AFF3: variants seen among roughly 807,000 people sequenced by gnomAD.
AFF3 encodes the protein ALF transcription elongation factor 3.
A neutral mutation model predicts 129.7 loss-of-function variants in AFF3; 32 were observed. The ratio of observed to expected loss-of-function variants is 0.25; its 90% CI spans 0.19 to 0.33. The LOEUF (loss-of-function observed/expected upper bound fraction) is 0.33, where lower values mean the gene tolerates loss of function less well. AFF3 is among the 10% of genes least tolerant of loss of function. The probability of loss-of-function intolerance (pLI) is 1.00; values close to 1 mark genes in which losing one functional copy is unlikely to be tolerated. For missense variants in AFF3, 1,373 were observed against 1,592.0 expected (o/e 0.86, Z 2.34); for synonymous variants, 644 against 635.4 (o/e 1.01, Z -0.20).
intron 9 of AFF3, among the ~76,000 whole-genome samples, chr2:99,746,276 T>C (rs1034087546): frequency 5.3e-5 from 8 of 151,692 alleles, no homozygotes; most frequent in African/African-American, 1.2e-4. Context: ...GAACTTCTAT[T>C]ACGTGGCTTA....
intron 7 of AFF3, among the ~76,000 whole-genome samples, chr2:99,978,228 G>A (rs557641496): frequency 6.6e-6 from 1 of 152,254 alleles, no homozygotes; most frequent in South Asian, 2.1e-4. Context: ...ACTGCTCACA[G>A]AACTCTGACT....
At chr2:100,016,411 A>G (rs1483692813) in intron 4 of AFF3, among the ~76,000 whole-genome samples, 2 of 123,182 alleles carry the variant, frequency 1.6e-5, no homozygotes, top group Admixed American at 1.6e-4. Context: ...AGCGATGGTC[A>G]TGGTGGTAGT....
At chr2:99,947,539 AAG>A (rs1217992360) in intron 7 of AFF3, among the ~76,000 whole-genome samples, 1,601 of 148,864 alleles carry the variant, frequency 0.011, 63 homozygotes, top group African/African-American at 0.039. Context: ...AAGAAAGAAA[AAG>A]AGAGAAAGAA....
In AFF3 at chr2:99,551,492, G is replaced by C. The variant is rs1216309872; in HGVS notation, c.3663C>G (p.Asn1221Lys). The change falls in exon 25 of 25, where the codon AAC becomes AAG. Residue 1221 changes from asparagine (N) to lysine (K), a missense_variant. Physicochemically the swap from Asn to Lys is moderately conservative, Grantham distance 94 (BLOSUM62 0). This residue lies in a region of AFF3 where 165 missense variants were observed against 234.0 expected (regional missense o/e 0.71). Coordinates refer to ENST00000672756, the MANE Select transcript of AFF3 (RefSeq NM_001386135.1). Reference sequence around the variant, plus strand: ...GAGGTCCCTATGACAGGTGGGCGCTGTTCCGCAGCCAGTGCAGGCCCTGTT... The same window carrying C: ...GAGGTCCCTATGACAGGTGGGCGCTCTTCCGCAGCCAGTGCAGGCCCTGTT... ...YSQQGLHWLR[N>K]SAHLS The C allele has an allele frequency of 5.0e-6, 8 of 1,614,020 alleles. No homozygotes were observed. Among genetic ancestry groups the C allele is most frequent in the Non-Finnish European group, 6.8e-6 (8 of 1,180,024 alleles).
intron 4 of AFF3, among the ~76,000 whole-genome samples, chr2:100,080,570 G>A (rs1343199339): frequency 6.6e-6 from 1 of 151,930 alleles, no homozygotes; most frequent in Admixed American, 6.5e-5. Context: ...GAGGGAGGGA[G>A]GAAAGGACAG....
At chr2:99,722,004 G>C (rs2309724) in intron 11 of AFF3, among the ~76,000 whole-genome samples, 84,244 of 151,958 alleles carry the variant, frequency 0.55, 23,522 homozygotes, top group East Asian at 0.66. Flanking sequence ...AATTCTTACT[G>C]ATATGAGTTT....
chr2:99,995,000 G>A (rs1400420685), intron 7 of AFF3, among the ~76,000 whole-genome samples: 1 of 152,162 alleles, frequency 6.6e-6, no homozygotes, highest in Non-Finnish European at 1.5e-5. Context: ...AAATTTGTGA[G>A]ATCAGATGAC....
At chr2:99,947,978 C>G (rs1675795581) in intron 7 of AFF3, among the ~76,000 whole-genome samples, 1 of 152,120 alleles carries the variant, frequency 6.6e-6, no homozygotes, top group Non-Finnish European at 1.5e-5. Context: ...GATCAGGCAT[C>G]TAGATTTGGC....
chr2:100,047,269 TA>T (rs895888872), intron 4 of AFF3, among the ~76,000 whole-genome samples: 11 of 152,256 alleles, frequency 7.2e-5, no homozygotes, highest in Non-Finnish European at 1.3e-4. Context: ...GTACTTTATT[TA>T]AAACACTGAA....
At chr2:100,119,472 A>AC (rs1428128154) in intron 2 of AFF3, among the ~76,000 whole-genome samples, 1 of 152,156 alleles carries the variant, frequency 6.6e-6, no homozygotes, top group Non-Finnish European at 1.5e-5. Context: ...CCTGGTCTTG[A>AC]CCCCAGAGTC....
chr2:99,962,889 T>C (rs1677371331), intron 7 of AFF3, among the ~76,000 whole-genome samples: 1 of 148,412 alleles, frequency 6.7e-6, no homozygotes, highest in Admixed American at 6.7e-5. Context: ...ATAATAATAA[T>C]AATGGCTGAA....
intron 7 of AFF3, among the ~76,000 whole-genome samples, chr2:99,934,956 C>T (rs1674387659): frequency 6.6e-6 from 1 of 152,212 alleles, no homozygotes; most frequent in African/African-American, 2.4e-5. Context: ...AGAAGAAACA[C>T]AGACTGAAGG....
chr2:99,649,149 G>A (rs1040602036), intron 13 of AFF3, among the ~76,000 whole-genome samples: 2 of 152,064 alleles, frequency 1.3e-5, no homozygotes, highest in Non-Finnish European at 1.5e-5. Flanking sequence ...AGACGCCAAA[G>A]CAAGGAGTAA....
chr2:99,907,649 G>GT (rs1468551165), intron 7 of AFF3, among the ~76,000 whole-genome samples: 11 of 143,624 alleles, frequency 7.7e-5, no homozygotes, highest in South Asian at 2.2e-4. Flanking sequence ...TTGTTGTTTT[G>GT]TTTTTTTTAG....
chr2:99,915,814 C>A (rs1451801240), intron 7 of AFF3, among the ~76,000 whole-genome samples: 1 of 152,070 alleles, frequency 6.6e-6, no homozygotes, highest in Non-Finnish European at 1.5e-5. Context: ...ATTTAAATAT[C>A]TTTTTCAAAT....
chr2:99,594,352 C>T (rs919358203), intron 14 of AFF3, 63 bp from the exon 15 acceptor site: 1 of 1,533,596 alleles, frequency 6.5e-7, no homozygotes, highest in African/African-American at 1.4e-5. Flanking sequence ...TAAAAGGGGC[C>T]TGGCTGTTTT....
At chr2:100,095,360 G>T (rs1434661408) in intron 4 of AFF3, among the ~76,000 whole-genome samples, 1 of 151,964 alleles carries the variant, frequency 6.6e-6, no homozygotes, top group African/African-American at 2.4e-5. Flanking sequence ...AAGTAATGTT[G>T]CATATTACAA....
chr2:99,956,440 G>A (rs1471590179), intron 7 of AFF3, among the ~76,000 whole-genome samples: 3 of 152,110 alleles, frequency 2.0e-5, no homozygotes, highest in African/African-American at 7.2e-5. Flanking sequence ...ACTGAAGTTG[G>A]AGGGGGGGGC....
intron 7 of AFF3, among the ~76,000 whole-genome samples, chr2:99,998,461 C>T (rs187985599): frequency 1.3e-5 from 2 of 151,804 alleles, no homozygotes; most frequent in African/African-American, 2.4e-5. Flanking sequence ...AGGTCTTCAT[C>T]GCTGATGGAG....
Sources: allele counts gnomAD v4.1 joint callset (sites outside exome capture counted in the v4.1 genomes callset), GRCh38; gene constraint gnomAD v4.1.1; regional missense constraint gnomAD v4.1.1; transcripts MANE v1.5; gene names NCBI Gene and HGNC (gene_info 2026-07-23, HGNC 2026-07-21).